ZNF658: variants seen among roughly 807,000 people sequenced by gnomAD.
The protein encoded by ZNF658 is zinc finger protein 658.
ZNF658 carries 46 observed loss-of-function variants against 78.0 expected under a neutral mutation model. The observed-to-expected ratio is 0.59, with a 90% CI of 0.47 to 0.75. The LOEUF (loss-of-function observed/expected upper bound fraction) is 0.75, where lower values mean the gene tolerates loss of function less well. Ranked by LOEUF, ZNF658 falls within the 30% of genes least tolerant of loss-of-function variation. The pLI is 0.00. For missense variants in ZNF658, 785 were observed against 1,189.3 expected, an observed-to-expected ratio of 0.66 and a Z score of 5.00; for synonymous variants, 279 against 408.4, an observed-to-expected ratio of 0.68 and a Z score of 3.82.
At position 66,920,650 on chromosome 9, in the gene ZNF658, G is replaced by A. The variant is rs1822502108; in HGVS notation, c.3084G>A (p.Gly1028=). Residue 1028 remains glycine, a synonymous_variant, in exon 5 of 5, where the codon GGG becomes GGA. Transcript: ENST00000621410. The stretch of plus-strand genomic sequence containing the variant: ...AACCCTATGAATGTGATGAATGTGG[G>A]AAAACTTTTGTCCGTAAGGCAGCTC... ...GEKPYECDEC[G]KTFVRKAALR... 1 of 1,389,254 alleles carries A rather than the reference G, an allele frequency of 7.2e-7. No homozygotes were observed. The highest frequency in any genetic ancestry group is 1.0e-6 in the Non-Finnish European group (1 of 995,034). The allele number at this position is 1,389,254 out of a possible 1,614,324, so 86.1% of individuals were successfully genotyped here.
chr9:66,906,089 G>A lies in ZNF658; in HGVS notation c.16-2149G>A, dbSNP rs573469466. On this transcript the variant is annotated intron_variant, in intron 2 of 4. Coordinates refer to ENST00000621410, the MANE Select transcript of ZNF658 (RefSeq NM_033160.7). ...CAGTAGAGCCTGTGTTTATTGTCAT[G>A]TGTGGCTGCAGAAGTCTGCAGAAAT... 4.0e-5 allele frequency among the ~76,000 whole-genome samples: 4 copies of A among 101,058 alleles called. No individual in the cohort carries two copies. In the Admixed American group the frequency reaches 4.1e-4, roughly 10 times the overall value. The allele number at this position is 101,058 out of a possible 152,430, so 66.3% of individuals were successfully genotyped here. A position where few individuals can be genotyped will look rare whatever the true frequency, so the allele number is the denominator to read the frequency against.
rs1822466832 is a variant in ZNF658, at chr9:66,919,967, A to G, written c.2401A>G (p.Asn801Asp). 6.2e-7 allele frequency: 1 copy of G among 1,609,352 alleles called. No homozygotes were observed. Among genetic ancestry groups the G allele is most frequent in the African/African-American group, 1.3e-5 (1 of 74,200 alleles). The change falls in exon 5 of 5, where the codon AAC becomes GAC. Residue 801 changes from asparagine to aspartate, a missense_variant. This residue lies in a region of ZNF658 where 5 missense variants were observed against 67.7 expected (regional missense o/e 0.07). Transcript: ENST00000621410. ...CACAGGGGAAAAACCGTATGAATGT[A>G]ACGTATGTGGGAAAACTTTTGTCTA... ...IHTGEKPYEC[N>D]VCGKTFVYKA...
intron 2 of ZNF658, among the ~76,000 whole-genome samples, chr9:66,905,109 T>A (rs1208778131): frequency 7.9e-6 from 1 of 127,270 alleles, no homozygotes; most frequent in East Asian, 2.6e-4. Flanking sequence ...AGTCTCTCGC[T>A]CTGTCACCCA....
chr9:66,915,395 G>GT (rs1822312010), intron 4 of ZNF658, among the ~76,000 whole-genome samples: 1 of 128,888 alleles, frequency 7.8e-6, no homozygotes, highest in African/African-American at 2.9e-5. Flanking sequence ...TGCTTTTATA[G>GT]TTAAAAAAAA....
chr9:66,921,661 G>T (rs931501257), downstream of ZNF658, among the ~76,000 whole-genome samples: 17 of 152,088 alleles, frequency 1.1e-4, no homozygotes, highest in African/African-American at 4.1e-4. Flanking sequence ...GTTTGTTATT[G>T]CTAATCGATT....
intron 4 of ZNF658, among the ~76,000 whole-genome samples, chr9:66,908,993 T>C (rs1301033371): frequency 6.6e-6 from 1 of 152,228 alleles, no homozygotes; most frequent in Admixed American, 6.5e-5. Context: ...ATAACAACTA[T>C]GTACATGGCA....
chr9:66,926,322 C>A, downstream of ZNF658, among the ~76,000 whole-genome samples: 1 of 147,240 alleles, frequency 6.8e-6, no homozygotes, highest in Non-Finnish European at 1.5e-5. Context: ...ATCTAATATA[C>A]AGAAAACTCT....
intron 6 of ZNF658, among the ~76,000 whole-genome samples, chr9:66,928,794 C>T (rs1246951692): frequency 1.3e-5 from 2 of 148,318 alleles, no homozygotes; most frequent in African/African-American, 2.5e-5. Flanking sequence ...ACCCTTCTAC[C>T]CTGGTTTGAT....
rs2118105760 is a variant in ZNF658, at chr9:66,920,349, A to G, written c.2783A>G (p.His928Arg). 1 of 1,613,872 alleles carries G rather than the reference A, an allele frequency of 6.2e-7. No individual in the cohort carries two copies. ...TFSEKSYVSA[H>R]QRVHTGEKPY... ...TCTGAGAAGTCATATGTTAGTGCAC[A>G]TCAGAGAGTTCATACGGGGGAGAAA... The change falls in exon 5 of 5, where the codon CAT becomes CGT. Residue 928 changes from histidine (H) to arginine (R), a missense_variant. Coordinates refer to ENST00000621410, the MANE Select transcript of ZNF658 (RefSeq NM_033160.7).
In ZNF658 at chr9:66,920,242, C is replaced by T; in HGVS notation, c.2676C>T (p.Ser892=). The change falls in exon 5 of 5, where the codon TCC becomes TCT. Residue 892 remains serine (S), a synonymous_variant. Transcript: ENST00000621410. ...GTAATGACTGTGGGAAGACTTTCTCCAAGACATCACATCTCAGAGCACATC... is the reference window on the plus strand; with the variant it reads ...GTAATGACTGTGGGAAGACTTTCTCTAAGACATCACATCTCAGAGCACATC... ...YECNDCGKTF[S]KTSHLRAHLR... is the part of the protein sequence containing the mutation. 6.2e-7 allele frequency: 1 copy of T among 1,609,980 alleles called. No homozygotes were observed.
chr9:66,919,467 A>T lies in ZNF658; in HGVS notation c.1901A>T (p.Glu634Val). ...GGGGAGAAACCTTATGAATGTAATG[A>T]ATGTGGAAGGTCTTTTGCCCATATT... The part of the protein sequence containing the change: ...HTGEKPYECN[E>V]CGRSFAHISV... Residue 634 changes from glutamate to valine, a missense_variant, in exon 5 of 5, where the codon GAA (glutamate) becomes GTA (valine). Around this residue, in one of 12 missense-constraint regions of ZNF658, gnomAD observed 75 missense variants for 147.1 expected, o/e 0.51. Transcript: ENST00000621410. The T allele has an allele frequency of 6.3e-7, 1 of 1,593,816 alleles. No homozygotes were observed. Among genetic ancestry groups the T allele is most frequent in the Non-Finnish European group, 8.6e-7 (1 of 1,166,244 alleles).
intron 1 of ZNF658, chr9:66,902,884 AT>A (rs1446483978): frequency 6.6e-6 from 1 of 151,926 alleles, no homozygotes; most frequent in Admixed American, 6.6e-5. Context: ...AAATTTATTT[AT>A]TTTTTATTTT....
intron 4 of ZNF658, among the ~76,000 whole-genome samples, chr9:66,913,295 G>C (rs1043848941): frequency 1.1e-4 from 16 of 151,694 alleles, no homozygotes; most frequent in Non-Finnish European, 1.9e-4. Flanking sequence ...CGTGGTGGCA[G>C]GTGCCTGTAA....
Position 66,918,662 on chromosome 9 carries a change from T to G in ZNF658, c.1096T>G (p.Leu366Val), listed in dbSNP as rs199865349. 2 of 1,613,788 alleles carry G rather than the reference T, an allele frequency of 1.2e-6. No homozygotes were observed. The highest frequency in any genetic ancestry group is 2.2e-5 in the East Asian group (1 of 44,852). Residue 366 changes from leucine to valine, a missense_variant, in exon 5 of 5, where the codon TTA becomes GTA. Physicochemically the swap from Leu to Val is conservative, Grantham distance 32 (BLOSUM62 1). Transcript: ENST00000621410. ...ATGTACAGATGCCCTCTACCAGAAA[T>G]TAGACTTTACAGCACATCAGAGAAT... ...NECTDALYQKLDFTAHQRIHT... is the reference protein window; with the variant it reads ...NECTDALYQKVDFTAHQRIHT...
intron 3 of ZNF658, 57 bp downstream of exon 3, chr9:66,908,421 A>G: frequency 6.2e-7 from 1 of 1,611,784 alleles, no homozygotes; most frequent in Non-Finnish European, 8.5e-7. Context: ...TTTAAAAAGT[A>G]TCAAAACACA....
chr9:66,909,184 T>C (rs1232489047), intron 4 of ZNF658, among the ~76,000 whole-genome samples: 2 of 152,062 alleles, frequency 1.3e-5, no homozygotes, highest in Non-Finnish European at 1.5e-5. Flanking sequence ...TGACTGTATA[T>C]GCAGACATCA....
chr9:66,918,423 A>G lies in ZNF658; in HGVS notation c.857A>G (p.Glu286Gly), dbSNP rs1203914167. The change falls in exon 5 of 5, where the codon GAA becomes GGA. Residue 286 changes from glutamate to glycine, a missense_variant. Transcript: ENST00000621410. ...TCCTGTGACAAAACCACCGCTGTTG[A>G]ATACAATAAAGTTCACATGGCTATG... is the stretch of plus-strand genomic sequence containing the variant. The part of the protein sequence containing the change: ...GTSCDKTTAV[E>G]YNKVHMAMTH... The G allele has an allele frequency of 6.2e-7, 1 of 1,612,764 alleles. No homozygotes were observed. The highest frequency in any genetic ancestry group is 1.3e-5 in the African/African-American group (1 of 74,936).
At chr9:66,908,498 A>G in intron 3 of ZNF658, 134 bp downstream of exon 3, 1 of 1,475,394 alleles carries the variant, frequency 6.8e-7, no homozygotes, top group Non-Finnish European at 9.1e-7. Context: ...CCTTTACAGA[A>G]ACAAAAGCAA....
At position 66,920,346 on chromosome 9, in the gene ZNF658, C is replaced by T. The variant is rs1442294372; in HGVS notation, c.2780C>T (p.Ala927Val). ...TTCTCTGAGAAGTCATATGTTAGTG[C>T]ACATCAGAGAGTTCATACGGGGGAG... ...KTFSEKSYVS[A>V]HQRVHTGEKP... Residue 927 changes from alanine (A) to valine (V), a missense_variant, in exon 5 of 5, where the codon GCA (alanine) becomes GTA (valine). Coordinates refer to ENST00000621410, the MANE Select transcript of ZNF658 (RefSeq NM_033160.7). 8.7e-6 allele frequency: 14 copies of T among 1,613,286 alleles called. No homozygotes were observed. In the East Asian group the frequency reaches 2.5e-4, roughly 28 times the overall value.
Sources: allele counts gnomAD v4.1 joint callset (sites outside exome capture counted in the v4.1 genomes callset), GRCh38; gene constraint gnomAD v4.1.1; regional missense constraint gnomAD v4.1.1; transcripts MANE v1.5; gene names NCBI Gene and HGNC (gene_info 2026-07-23, HGNC 2026-07-21).